SPOCK1: variants seen among roughly 807,000 people sequenced by gnomAD.
SPOCK1 encodes the protein testican-1.
SPOCK1 carries 23 observed loss-of-function variants against 55.3 expected under a neutral mutation model. The ratio of observed to expected loss-of-function variants is 0.42; its 90% confidence interval spans 0.30 to 0.59. The LOEUF is 0.59. SPOCK1 is among the 20% of genes least tolerant of loss of function. The pLI is 0.22. For synonymous variants in SPOCK1, 226 were observed against 221.0 expected (o/e 1.02, Z -0.20); for missense variants, 499 against 552.5 (o/e 0.90, Z 0.97).
intron 6 of SPOCK1, among the ~76,000 whole-genome samples, chr5:137,044,280 T>C (rs191968016): frequency 6.6e-6 from 1 of 152,340 alleles, no homozygotes; most frequent in East Asian, 1.9e-4. Flanking sequence ...TTGATTCCCA[T>C]TTATGCCCCA....
At chr5:137,361,013 G>C (rs1378672608) in intron 2 of SPOCK1, among the ~76,000 whole-genome samples, 1 of 152,182 alleles carries the variant, frequency 6.6e-6, no homozygotes, top group East Asian at 1.9e-4. Flanking sequence ...GAGGTGAAGT[G>C]TTCGGGAGGT....
At chr5:137,311,958 C>T (rs770840489) in intron 2 of SPOCK1, among the ~76,000 whole-genome samples, 4 of 152,188 alleles carry the variant, frequency 2.6e-5, no homozygotes, top group Non-Finnish European at 2.9e-5. Context: ...TTACTTAGCT[C>T]GCCTGAATTA....
At chr5:137,162,107 A>G (rs1430757481) in intron 3 of SPOCK1, among the ~76,000 whole-genome samples, 1 of 141,064 alleles carries the variant, frequency 7.1e-6, no homozygotes, top group Non-Finnish European at 1.5e-5. Flanking sequence ...TACCATTCCC[A>G]TTTGTTCTAG....
intron 3 of SPOCK1, among the ~76,000 whole-genome samples, chr5:137,158,356 A>C (rs1754460436): frequency 6.6e-6 from 1 of 152,102 alleles, no homozygotes; most frequent in Non-Finnish European, 1.5e-5. Flanking sequence ...AGGCTCTGGG[A>C]GCTTTGGATA....
rs901732531 is a variant in SPOCK1 at position 137,488,612 on chromosome 5, G to A, written c.186+9761C>T. 1.2e-4 allele frequency among the ~76,000 whole-genome samples: 19 copies of A among 152,258 alleles called. No individual in the cohort carries two copies. In the Middle Eastern group the frequency reaches 0.02, roughly 164 times the overall value. ...AGGCCTCTCAGAATTGAGTTAGAGC[G>A]TGACTCCATTTGCACGGCGGGACAG... On this transcript the variant is annotated intron_variant, in intron 2 of 10. Coordinates refer to ENST00000394945, the MANE Select transcript of SPOCK1 (RefSeq NM_004598.4).
intron 2 of SPOCK1, among the ~76,000 whole-genome samples, chr5:137,331,121 T>C (rs929875831): frequency 6.6e-6 from 1 of 152,174 alleles, no homozygotes; most frequent in Non-Finnish European, 1.5e-5. Flanking sequence ...TTCACTCAGC[T>C]GTACAGCAGT....
chr5:137,340,556 G>C (rs928381345), intron 2 of SPOCK1, among the ~76,000 whole-genome samples: 2 of 152,196 alleles, frequency 1.3e-5, no homozygotes, highest in African/African-American at 4.8e-5. Flanking sequence ...GGAAGTCAGG[G>C]ATGCAGTAGA....
chr5:137,096,548 G>T (rs1006513218), intron 5 of SPOCK1, among the ~76,000 whole-genome samples: 1 of 152,116 alleles, frequency 6.6e-6, no homozygotes, highest in African/African-American at 2.4e-5. Context: ...AGAAATTAAC[G>T]CAGGCATAAC....
At chr5:137,353,322 A>T (rs1349268477) in intron 2 of SPOCK1, among the ~76,000 whole-genome samples, 1 of 152,232 alleles carries the variant, frequency 6.6e-6, no homozygotes, top group Non-Finnish European at 1.5e-5. Flanking sequence ...TCGAGGCTGC[A>T]GTGAGCAGAG....
chr5:137,324,024 C>G (rs1478652517), intron 2 of SPOCK1, among the ~76,000 whole-genome samples: 1 of 152,152 alleles, frequency 6.6e-6, no homozygotes, highest in African/African-American at 2.4e-5. Context: ...ATTTGCATTC[C>G]CATGTCCAAT....
chr5:137,443,351 T>C (rs976909400), intron 2 of SPOCK1, among the ~76,000 whole-genome samples: 1 of 152,204 alleles, frequency 6.6e-6, no homozygotes, highest in Non-Finnish European at 1.5e-5. Flanking sequence ...CTCAGTGTCC[T>C]TTGTGTGCAC....
At chr5:137,420,589 G>C (rs1243221656) in intron 2 of SPOCK1, among the ~76,000 whole-genome samples, 1 of 152,152 alleles carries the variant, frequency 6.6e-6, no homozygotes, top group Non-Finnish European at 1.5e-5. Flanking sequence ...TTGCGTAGAG[G>C]TGTTATAGTA....
chr5:137,239,888 G>A (rs1287925173), intron 3 of SPOCK1, among the ~76,000 whole-genome samples: 2 of 152,062 alleles, frequency 1.3e-5, no homozygotes, highest in Non-Finnish European at 2.9e-5. Flanking sequence ...AAAACAAGTT[G>A]ATTATATACT....
intron 2 of SPOCK1, chr5:137,313,421 G>T: frequency 1.0e-6 from 1 of 985,424 alleles, no homozygotes; most frequent in Non-Finnish European, 1.2e-6. Context: ...TTCAGAAAGT[G>T]TCTTACCTGC....
intron 6 of SPOCK1, among the ~76,000 whole-genome samples, chr5:137,011,647 C>G (rs568237319): frequency 1.3e-5 from 2 of 152,336 alleles, no homozygotes; most frequent in South Asian, 4.1e-4. Context: ...TCTACCACAT[C>G]AGCAATAAAT....
intron 2 of SPOCK1, among the ~76,000 whole-genome samples, chr5:137,399,295 T>A (rs945381821): frequency 6.6e-6 from 1 of 152,194 alleles, no homozygotes; most frequent in Non-Finnish European, 1.5e-5. Flanking sequence ...CATTTAATTC[T>A]AATAAACCTA....
intron 6 of SPOCK1, 34 bp from the exon 7 acceptor site, chr5:136,992,634 T>C (rs1362835437): frequency 9.0e-6 from 14 of 1,563,228 alleles, no homozygotes; most frequent in Non-Finnish European, 1.0e-5. Flanking sequence ...ACAATGGGGC[T>C]GGGGGCTTTC....
chr5:137,474,138 A>T (rs1561545187), intron 2 of SPOCK1, among the ~76,000 whole-genome samples: 1 of 152,174 alleles, frequency 6.6e-6, no homozygotes, highest in East Asian at 1.9e-4. Context: ...TATACGGTGC[A>T]GCGTATGGTG....
At chr5:137,410,075 GA>G (rs1483102779) in intron 2 of SPOCK1, among the ~76,000 whole-genome samples, 2 of 152,220 alleles carry the variant, frequency 1.3e-5, no homozygotes, top group Non-Finnish European at 2.9e-5. Context: ...CTCAAGCTGT[GA>G]AAACTTCACA....
Sources: allele counts gnomAD v4.1 joint callset (sites outside exome capture counted in the v4.1 genomes callset), GRCh38; gene constraint gnomAD v4.1.1; transcripts MANE v1.5; gene names NCBI Gene and HGNC (gene_info 2026-07-23, HGNC 2026-07-21).